The following ADK variants were observed in gnomAD, a reference collection of about 807,000 sequenced individuals.
ADK encodes adenosine kinase.
In ADK, 24 loss-of-function variants were observed where a neutral mutation model predicts 44.7. That is an observed-to-expected ratio of 0.54 (90% CI 0.39 to 0.76). The LOEUF is 0.76. Among genes scored for constraint, ADK ranks in the 30% least tolerant of loss-of-function variants. ADK has a pLI of 0.00. For synonymous variants in ADK, 128 were observed against 142.6 expected (o/e 0.90, Z 0.73); for missense variants, 321 against 425.1 (o/e 0.76, Z 2.15).
At chr10:74,206,340 GT>G (rs1843596416) in intron 2 of ADK, among the ~76,000 whole-genome samples, 1 of 152,174 alleles carries the variant, frequency 6.6e-6, no homozygotes, top group Admixed American at 6.5e-5. Flanking sequence ...GTTTTGTATT[GT>G]TTTGAAAGAA....
intron 3 of ADK, 149 bp downstream of exon 3, chr10:74,224,740 A>T: frequency 1.4e-6 from 1 of 696,840 alleles, no homozygotes; most frequent in Admixed American, 2.2e-5. Context: ...GATAACCTAC[A>T]CTATATAATT....
intron 10 of ADK, among the ~76,000 whole-genome samples, chr10:74,689,691 C>G (rs1208556807): frequency 3.9e-5 from 6 of 152,170 alleles, no homozygotes; most frequent in African/African-American, 1.4e-4. Context: ...AGTAGCTCAT[C>G]CATAAAGGAG....
At chr10:74,360,467 A>G (rs1008535860) in intron 4 of ADK, among the ~76,000 whole-genome samples, 16 of 152,246 alleles carry the variant, frequency 1.1e-4, no homozygotes, top group Admixed American at 9.8e-4. Flanking sequence ...TGATCTGTCC[A>G]TTGCCGAAAG....
intron 3 of ADK, among the ~76,000 whole-genome samples, chr10:74,226,254 C>T (rs1320635102): frequency 6.6e-6 from 1 of 152,004 alleles, no homozygotes; most frequent in African/African-American, 2.4e-5. Context: ...ATTACAGGCA[C>T]CCGCCACCAT....
At chr10:74,456,213 C>T (rs1845939049) in intron 6 of ADK, among the ~76,000 whole-genome samples, 1 of 152,126 alleles carries the variant, frequency 6.6e-6, no homozygotes, top group African/African-American at 2.4e-5. Flanking sequence ...CAGAACTCTC[C>T]ACCCCAAATC....
At chr10:74,557,322 T>C (rs1056765206) in intron 7 of ADK, among the ~76,000 whole-genome samples, 1 of 152,236 alleles carries the variant, frequency 6.6e-6, no homozygotes, top group African/African-American at 2.4e-5. Context: ...ATCTCAGTTA[T>C]AATTTAAAAA....
chr10:74,490,747 A>T (rs897216726), intron 6 of ADK, among the ~76,000 whole-genome samples: 4 of 152,156 alleles, frequency 2.6e-5, no homozygotes, highest in Non-Finnish European at 5.9e-5. Context: ...CAAGCCAGTC[A>T]GCTGATCTTT....
chr10:74,634,638 T>TGAAGAGAAAAAAA (rs1378096561), intron 9 of ADK, among the ~76,000 whole-genome samples: 6 of 151,170 alleles, frequency 4.0e-5, no homozygotes, highest in Non-Finnish European at 7.4e-5. Flanking sequence ...GTGTGGAAAA[T>TGAAGAGAAAAAAA]GAAGAGAAAA....
At chr10:74,431,059 T>A in intron 6 of ADK, among the ~76,000 whole-genome samples, 1 of 99,310 alleles carries the variant, frequency 1.0e-5, no homozygotes, top group South Asian at 3.7e-4. Flanking sequence ...AGAGCGAGAC[T>A]CCGTCTCAAA....
At chr10:74,327,676 A>G (rs1232171417) in intron 4 of ADK, among the ~76,000 whole-genome samples, 1 of 152,150 alleles carries the variant, frequency 6.6e-6, no homozygotes, top group Non-Finnish European at 1.5e-5. Context: ...AATCTGTACA[A>G]CAAACCCCCA....
At chr10:74,698,178 A>G (rs1856274212) in intron 10 of ADK, among the ~76,000 whole-genome samples, 1 of 152,222 alleles carries the variant, frequency 6.6e-6, no homozygotes, top group Non-Finnish European at 1.5e-5. Flanking sequence ...TAAAGCTGGG[A>G]AAAGCCTGAG....
At chr10:74,465,304 T>C (rs960013139) in intron 6 of ADK, among the ~76,000 whole-genome samples, 2 of 152,190 alleles carry the variant, frequency 1.3e-5, no homozygotes. Context: ...GAGATTAATA[T>C]GGCTAGAGTA....
chr10:74,646,766 T>A (rs959801864), intron 9 of ADK, among the ~76,000 whole-genome samples: 5 of 152,102 alleles, frequency 3.3e-5, no homozygotes, highest in African/African-American at 1.2e-4. Flanking sequence ...CAATATAAGC[T>A]CAGCCACAGT....
At chr10:74,576,712 G>C (rs774679442) in intron 7 of ADK, among the ~76,000 whole-genome samples, 12 of 151,988 alleles carry the variant, frequency 7.9e-5, no homozygotes, top group Non-Finnish European at 1.3e-4. Context: ...TAGCCCAGTC[G>C]CTTTATAATG....
At chr10:74,389,591 T>TA (rs756363461) in intron 4 of ADK, among the ~76,000 whole-genome samples, 1 of 152,052 alleles carries the variant, frequency 6.6e-6, no homozygotes, top group Non-Finnish European at 1.5e-5. Context: ...TTAATGGCTG[T>TA]AAAAAAACTG....
At chr10:74,306,106 G>T (rs142589097) in intron 3 of ADK, among the ~76,000 whole-genome samples, 4 of 151,280 alleles carry the variant, frequency 2.6e-5, no homozygotes, top group African/African-American at 9.7e-5. Context: ...AGATCTTTTA[G>T]TATTGTCCTA....
intron 6 of ADK, among the ~76,000 whole-genome samples, chr10:74,479,760 C>G (rs552051435): frequency 1.6e-4 from 24 of 152,078 alleles, no homozygotes; most frequent in South Asian, 6.2e-4. Flanking sequence ...TTCTACTCTC[C>G]AATCAGTTTT....
At chr10:74,244,693 C>T (rs556635939) in intron 3 of ADK, among the ~76,000 whole-genome samples, 38 of 152,192 alleles carry the variant, frequency 2.5e-4, no homozygotes, top group South Asian at 1.7e-3. Context: ...TTGTGATTTA[C>T]AAATTAAGGG....
chr10:74,282,569 C>T (rs539056713), intron 3 of ADK, among the ~76,000 whole-genome samples: 1 of 152,232 alleles, frequency 6.6e-6, no homozygotes, highest in African/African-American at 2.4e-5. Context: ...TTGGATTTAA[C>T]TACTTTAATA....
Sources: allele counts gnomAD v4.1 joint callset (sites outside exome capture counted in the v4.1 genomes callset), GRCh38; gene constraint gnomAD v4.1.1; transcripts MANE v1.5; gene names NCBI Gene and HGNC (gene_info 2026-07-23, HGNC 2026-07-21).